NRXN1: variants seen among roughly 807,000 people sequenced by gnomAD.
The protein encoded by NRXN1 is neurexin 1, also known as neurexin-1.
In NRXN1, 39 loss-of-function variants were observed where a neutral mutation model predicts 150.9. That is an observed-to-expected ratio of 0.26 (90% confidence interval 0.20 to 0.34). NRXN1 has a LOEUF of 0.34. Ranked by LOEUF, NRXN1 falls within the 10% of genes least tolerant of loss-of-function variation. The pLI is 1.00. For missense variants in NRXN1, 1,815 were observed against 1,949.9 expected (o/e 0.93, Z 1.30); for synonymous variants, 924 against 757.0 (o/e 1.22, Z -3.62).
chr2:50,832,941 G>C (rs745818246), intron 5 of NRXN1, among the ~76,000 whole-genome samples: 2 of 152,166 alleles, frequency 1.3e-5, no homozygotes, highest in Non-Finnish European at 2.9e-5. Context: ...CTTGAATTCA[G>C]ACTATATAAG....
chr2:50,454,465 T>C (rs1221112920), intron 17 of NRXN1, among the ~76,000 whole-genome samples: 9 of 152,216 alleles, frequency 5.9e-5, no homozygotes, highest in East Asian at 1.9e-4. Flanking sequence ...CATGAACATA[T>C]ACACATACAC....
intron 18 of NRXN1, among the ~76,000 whole-genome samples, chr2:50,172,249 T>G (rs2060075250): frequency 6.6e-6 from 1 of 152,152 alleles, no homozygotes; most frequent in East Asian, 1.9e-4. Context: ...ATATTTGAAC[T>G]TTCACTATTT....
chr2:50,903,194 A>T (rs1458164080), intron 5 of NRXN1, among the ~76,000 whole-genome samples: 1 of 152,160 alleles, frequency 6.6e-6, no homozygotes, highest in South Asian at 2.1e-4. Context: ...AAAATAAGTA[A>T]GATACTGGAA....
At chr2:49,972,356 T>C (rs1678106311) in intron 21 of NRXN1, among the ~76,000 whole-genome samples, 1 of 152,146 alleles carries the variant, frequency 6.6e-6, no homozygotes, top group Admixed American at 6.5e-5. Flanking sequence ...AATCAACAAA[T>C]ACTTAAATAA....
At chr2:50,082,743 C>T (rs952545313) in intron 19 of NRXN1, among the ~76,000 whole-genome samples, 5 of 152,026 alleles carry the variant, frequency 3.3e-5, no homozygotes, top group African/African-American at 1.2e-4. Flanking sequence ...CTCTTGTTTT[C>T]TGATAGTGAT....
intron 17 of NRXN1, among the ~76,000 whole-genome samples, chr2:50,349,795 C>T (rs951775686): frequency 6.6e-6 from 1 of 152,176 alleles, no homozygotes; most frequent in African/African-American, 2.4e-5. Flanking sequence ...AGCTGATCAC[C>T]ATGCACAATA....
Position 50,208,751 on chromosome 2 carries a change from T to G in NRXN1, c.3546+28038A>C, listed in dbSNP as rs2062797399. Among the ~76,000 whole-genome samples, 4 of 152,110 alleles carry G rather than the reference T, an allele frequency of 2.6e-5. No individual in the cohort carries two copies. The South Asian group carries it at 8.3e-4, about 31-fold the overall frequency. ...AAAAGCTCATCCCATTTAATTACAC[T>G]TGAAAATAACACGAGTCCTTTAAGT... On this transcript the variant is annotated intron_variant, in intron 18 of 22. Coordinates refer to ENST00000401669, the MANE Select transcript of NRXN1 (RefSeq NM_001330078.2).
intron 21 of NRXN1, among the ~76,000 whole-genome samples, chr2:50,031,664 T>G (rs67002105): frequency 6.6e-6 from 1 of 151,876 alleles, no homozygotes; most frequent in Non-Finnish European, 1.5e-5. Flanking sequence ...TATCAATGCA[T>G]AAGGAAGAGA....
intron 19 of NRXN1, among the ~76,000 whole-genome samples, chr2:50,070,149 C>A (rs895701338): frequency 1.3e-5 from 2 of 151,808 alleles, no homozygotes; most frequent in Non-Finnish European, 2.9e-5. Flanking sequence ...TGCGCCTGGC[C>A]GAGATTTCAG....
At chr2:50,394,729 G>A (rs1283441369) in intron 17 of NRXN1, among the ~76,000 whole-genome samples, 3 of 151,952 alleles carry the variant, frequency 2.0e-5, no homozygotes, top group Non-Finnish European at 4.4e-5. Flanking sequence ...ATGATCAAAT[G>A]TTCCCAGTGG....
At chr2:50,050,405 C>T (rs1692527286) in intron 21 of NRXN1, among the ~76,000 whole-genome samples, 1 of 151,946 alleles carries the variant, frequency 6.6e-6, no homozygotes, top group Non-Finnish European at 1.5e-5. Flanking sequence ...TGCAATCACC[C>T]CAAGGTACAT....
chr2:50,680,030 T>G (rs549418591), intron 5 of NRXN1, among the ~76,000 whole-genome samples: 1 of 150,898 alleles, frequency 6.6e-6, no homozygotes, highest in Non-Finnish European at 1.5e-5. Context: ...TTGGTGGGGG[T>G]TGGGGTGGGG....
chr2:50,635,135 C>A (rs1487089498), intron 5 of NRXN1, among the ~76,000 whole-genome samples: 2 of 151,950 alleles, frequency 1.3e-5, no homozygotes, highest in Admixed American at 6.6e-5. Flanking sequence ...TCTGGCTGCA[C>A]CGAATGTTGC....
intron 5 of NRXN1, among the ~76,000 whole-genome samples, chr2:50,719,035 G>A (rs984281562): frequency 3.3e-5 from 5 of 150,168 alleles, no homozygotes; most frequent in African/African-American, 1.2e-4. Flanking sequence ...TAATATAAAA[G>A]TAAATATTAA....
chr2:50,406,902 A>G (rs1246389031), intron 17 of NRXN1, among the ~76,000 whole-genome samples: 1 of 149,604 alleles, frequency 6.7e-6, no homozygotes, highest in African/African-American at 2.4e-5. Flanking sequence ...GAATCTTTAA[A>G]GCTCAATTTT....
chr2:50,434,043 ATTTTTTTTTT>A (rs748364051), intron 17 of NRXN1, among the ~76,000 whole-genome samples: 6 of 72,154 alleles, frequency 8.3e-5, no homozygotes, highest in Admixed American at 1.7e-4. Context: ...TATCTAAGCC[ATTTTTTTTTT>A]TTTTTTTTTT....
At chr2:50,115,945 G>A (rs1703001873) in intron 18 of NRXN1, among the ~76,000 whole-genome samples, 1 of 152,058 alleles carries the variant, frequency 6.6e-6, no homozygotes, top group Non-Finnish European at 1.5e-5. Flanking sequence ...TTGGGGCTAA[G>A]CAATTATATT....
intron 5 of NRXN1, among the ~76,000 whole-genome samples, chr2:50,782,965 T>G (rs1704561180): frequency 6.6e-6 from 1 of 152,194 alleles, no homozygotes; most frequent in Non-Finnish European, 1.5e-5. Flanking sequence ...TTTTAAAGCT[T>G]CATTATGTTT....
chr2:50,159,115 A>C (rs976650180), intron 18 of NRXN1, among the ~76,000 whole-genome samples: 30 of 152,168 alleles, frequency 2.0e-4, no homozygotes, highest in Middle Eastern at 3.4e-3. Context: ...AGTTAAACCA[A>C]TATTCTATAT....
Sources: gnomAD v4.1 joint callset for allele counts (sites outside exome capture counted in the v4.1 genomes callset) on GRCh38, gnomAD v4.1.1 for gene constraint, MANE v1.5 for transcripts, NCBI Gene and HGNC (gene_info 2026-07-23, HGNC 2026-07-21) for gene names.